Variants in ERICH1 observed in about 807,000 individuals in gnomAD.
ERICH1 encodes glutamate-rich protein 1.
ERICH1 carries 56 observed loss-of-function variants against 39.6 expected under a neutral mutation model. That is an observed-to-expected ratio of 1.41 (90% CI 1.14 to 1.77). The LOEUF is 1.77. ERICH1 is among the 40% of genes most tolerant of loss of function. The probability of loss-of-function intolerance (pLI) is 0.00; values close to 1 mark genes in which losing one functional copy is unlikely to be tolerated. For synonymous variants in ERICH1, 313 were observed against 223.6 expected, an observed-to-expected ratio of 1.40 and a Z score of -3.57; for missense variants, 826 against 575.4, an observed-to-expected ratio of 1.44 and a Z score of -4.45.
intron 1 of ERICH1, among the ~76,000 whole-genome samples, chr8:716,601 T>G (rs918630678): frequency 1.3e-5 from 2 of 152,256 alleles, no homozygotes; most frequent in Non-Finnish European, 2.9e-5. Flanking sequence ...TTTACTTTGC[T>G]TGTTTTAGTT....
At chr8:649,582 A>G (rs1799673266) in intron 3 of ERICH1, among the ~76,000 whole-genome samples, 1 of 151,312 alleles carries the variant, frequency 6.6e-6, no homozygotes. Context: ...TTGGATGTCC[A>G]GCACCGTACC....
intron 3 of ERICH1, among the ~76,000 whole-genome samples, chr8:627,580 A>G (rs1255192019): frequency 6.6e-6 from 1 of 152,200 alleles, no homozygotes; most frequent in Non-Finnish European, 1.5e-5. Context: ...GGGTAAGAAG[A>G]TGGCTCTCCA....
At chr8:616,099 G>A (rs144373417) in intron 3 of ERICH1, 13 of 164,684 alleles carry the variant, frequency 7.9e-5, no homozygotes, top group East Asian at 3.6e-4. Context: ...AAGAAAGTCC[G>A]TTAAAAACAC....
intron 3 of ERICH1, among the ~76,000 whole-genome samples, chr8:619,527 A>G (rs1264433754): frequency 1.3e-5 from 2 of 152,268 alleles, no homozygotes; most frequent in African/African-American, 4.8e-5. Flanking sequence ...GAAAGCAATG[A>G]CATCAGATAG....
intron 2 of ERICH1, among the ~76,000 whole-genome samples, chr8:703,072 A>T (rs1812513942): frequency 6.6e-6 from 1 of 152,214 alleles, no homozygotes; most frequent in Non-Finnish European, 1.5e-5. Flanking sequence ...GGAAACTAAA[A>T]GGGCTTACGT....
In ERICH1 at chr8:688,046, C is replaced by T. The variant is rs76385367; in HGVS notation, c.304+4432G>A. Among the ~76,000 whole-genome samples, 1,131 of 152,212 alleles carry T rather than the reference C, an allele frequency of 7.4e-3. 11 individuals are homozygous for T. The highest frequency in any genetic ancestry group is 0.016 in the South Asian group (77 of 4,830). ...CGAGGCCCTGGAAAGGCGGGGGAGA[C>T]GCGCGGCGGCGCGCGGTCAAATTCC... On this transcript the variant is annotated intron_variant, in intron 3 of 5. Coordinates refer to ENST00000262109, the MANE Select transcript of ERICH1 (RefSeq NM_207332.3).
In ERICH1 at chr8:673,898, T is replaced by C; in HGVS notation, c.454A>G (p.Thr152Ala). 1 of 1,613,602 alleles carries C rather than the reference T, an allele frequency of 6.2e-7. No homozygotes were observed. Among genetic ancestry groups the C allele is most frequent in the Non-Finnish European group, 8.5e-7 (1 of 1,180,010 alleles). The change falls in exon 4 of 6, where the codon ACA (threonine) becomes GCA (alanine). Residue 152 changes from threonine (T) to alanine (A), a missense_variant. Physicochemically the swap from Thr to Ala is moderately conservative, Grantham distance 58. Transcript: ENST00000262109. Reference sequence around the variant, plus strand: ...TTTTTGCTTATTGTGGTGCCATCTGTGTGCTGTCGCTGAGATTTCTCCTGT... The same window carrying C: ...TTTTTGCTTATTGTGGTGCCATCTGCGTGCTGTCGCTGAGATTTCTCCTGT... The part of the protein sequence containing the change: ...LLQEKSQRQH[T>A]DGTTISKNKK...
intron 3 of ERICH1, among the ~76,000 whole-genome samples, chr8:624,711 A>T (rs76561272): frequency 2.7e-5 from 4 of 150,642 alleles, no homozygotes; most frequent in African/African-American, 7.3e-5. Flanking sequence ...TTTTTTTTTT[A>T]TATTTTTTAT....
chr8:661,496 G>C (rs920474747), downstream of ERICH1, among the ~76,000 whole-genome samples: 19 of 152,166 alleles, frequency 1.2e-4, no homozygotes, highest in African/African-American at 4.1e-4. Context: ...TTGGCAACCT[G>C]ACAATTCCTC....
intron 3 of ERICH1, among the ~76,000 whole-genome samples, chr8:679,918 G>A (rs1351516209): frequency 2.0e-3 from 150 of 76,368 alleles, no homozygotes; most frequent in South Asian, 9.9e-3. Flanking sequence ...ATCCACAGCT[G>A]CCACCCCTGT....
At chr8:703,073 G>C (rs950544766) in intron 2 of ERICH1, among the ~76,000 whole-genome samples, 1 of 152,224 alleles carries the variant, frequency 6.6e-6, no homozygotes, top group African/African-American at 2.4e-5. Context: ...GAAACTAAAA[G>C]GGCTTACGTC....
At chr8:730,494 G>A (rs538897561) in intron 1 of ERICH1, among the ~76,000 whole-genome samples, 1 of 152,190 alleles carries the variant, frequency 6.6e-6, no homozygotes, top group Non-Finnish European at 1.5e-5. Context: ...ATGATTACAC[G>A]GTGAGGGTAA....
intron 5 of ERICH1, among the ~76,000 whole-genome samples, chr8:665,816 C>T (rs1802136148): frequency 1.3e-5 from 2 of 152,182 alleles, no homozygotes; most frequent in Non-Finnish European, 2.9e-5. Flanking sequence ...GAGACGTGAC[C>T]AGCAGAAAAC....
chr8:663,582 G>C (rs1375388642), downstream of ERICH1, among the ~76,000 whole-genome samples: 4 of 152,184 alleles, frequency 2.6e-5, no homozygotes, highest in Admixed American at 1.3e-4. Context: ...GGAAGACACA[G>C]AGGGATGCTC....
chr8:627,958 G>A (rs977653538), intron 3 of ERICH1, among the ~76,000 whole-genome samples: 5 of 152,170 alleles, frequency 3.3e-5, no homozygotes, highest in African/African-American at 7.2e-5. Context: ...GGCCTGGAAC[G>A]TGCTGAGACC....
At chr8:665,171 C>T (rs561730458) in intron 5 of ERICH1, among the ~76,000 whole-genome samples, 1 of 150,824 alleles carries the variant, frequency 6.6e-6, no homozygotes, top group Non-Finnish European at 1.5e-5. Flanking sequence ...CAAGACACCA[C>T]AATCGCGATG....
chr8:653,843 G>C (rs1003269064), intron 3 of ERICH1, among the ~76,000 whole-genome samples: 2 of 150,108 alleles, frequency 1.3e-5, no homozygotes, highest in Non-Finnish European at 2.9e-5. Flanking sequence ...CAGAAAGTAG[G>C]ATGGTTGGTG....
intron 2 of ERICH1, among the ~76,000 whole-genome samples, chr8:706,361 AC>A (rs1813274020): frequency 6.6e-6 from 1 of 152,256 alleles, no homozygotes; most frequent in Admixed American, 6.5e-5. Flanking sequence ...AAGAAAACAA[AC>A]AAAAAAGAAA....
chr8:702,274 C>G (rs572509197), intron 2 of ERICH1, among the ~76,000 whole-genome samples: 6 of 152,232 alleles, frequency 3.9e-5, no homozygotes, highest in African/African-American at 1.4e-4. Flanking sequence ...AAACAGAAAC[C>G]TCACACTCAA....
Sources: allele counts gnomAD v4.1 joint callset (sites outside exome capture counted in the v4.1 genomes callset), GRCh38; gene constraint gnomAD v4.1.1; transcripts MANE v1.5; gene names NCBI Gene and HGNC (gene_info 2026-07-23, HGNC 2026-07-21).